The following SLC22A7 variants were observed in gnomAD, a reference collection of about 807,000 sequenced individuals.
SLC22A7 encodes the protein hOAT2.
Under a neutral mutation model 62.2 loss-of-function variants are expected in SLC22A7, and 48 were observed. The observed-to-expected ratio is 0.77, with a 90% CI of 0.61 to 0.98. The LOEUF is 0.98. Among genes scored for constraint, SLC22A7 ranks in the 50% least tolerant of loss-of-function variants. The probability of loss-of-function intolerance (pLI) is 0.00; values close to 1 mark genes in which losing one functional copy is unlikely to be tolerated. For synonymous variants in SLC22A7, 276 were observed against 314.8 expected (o/e 0.88, Z 1.30); for missense variants, 581 against 703.8 (o/e 0.83, Z 1.97).
rs1487207093 is a variant in SLC22A7 at position 43,300,008 on chromosome 6, T to A, written c.769T>A (p.Trp257Arg). 6.2e-7 allele frequency: 1 copy of A among 1,614,048 alleles called. No individual in the cohort carries two copies. Among genetic ancestry groups the A allele is most frequent in the African/African-American group, 1.3e-5 (1 of 74,912 alleles). ...LALVGYLIRDWRWLLLAVTLP... is the reference protein window; with the variant it reads ...LALVGYLIRDRRWLLLAVTLP... ...ACTGGTTGGGTACCTGATACGGGAC[T>A]GGCGATGGCTTCTGCTAGCTGTCAC... The change falls in exon 5 of 11, where the codon TGG (tryptophan) becomes AGG (arginine). Residue 257 changes from tryptophan to arginine, a missense_variant. Coordinates refer to ENST00000372585, the MANE Select transcript of SLC22A7 (RefSeq NM_153320.2).
rs1778801672 is a variant in SLC22A7 at position 43,302,794 on chromosome 6, T to C, written c.1385+31T>C. On this transcript the variant is annotated intron_variant, in intron 9 of 10. Coordinates refer to ENST00000372585, the MANE Select transcript of SLC22A7 (RefSeq NM_153320.2). This position sits in a 1 kb window ranked among gnomAD's most constrained non-coding sequence, Gnocchi z 5.0. ...GAAGCCTGCAACTGATCTGGGGGTA[T>C]GGGGCTTGTTAGTCACGTGTCTTAA... is the stretch of plus-strand genomic sequence containing the variant. The C allele has an allele frequency of 4.2e-6, 6 of 1,436,690 alleles. No homozygotes were observed. In the South Asian group the frequency reaches 7.1e-5, roughly 17 times the overall value. The allele number at this position is 1,436,690 out of a possible 1,614,324, so 89.0% of individuals were successfully genotyped here.
intron 5 of SLC22A7, 112 bp from the exon 6 acceptor site, chr6:43,301,023 C>G: frequency 1.5e-6 from 2 of 1,372,058 alleles, no homozygotes; most frequent in Non-Finnish European, 2.0e-6. Flanking sequence ...ATGTTCCAGG[C>G]TAAGGGGACT....
At chr6:43,303,446 T>G (rs1778826167) in intron 9 of SLC22A7, among the ~76,000 whole-genome samples, 1 of 151,932 alleles carries the variant, frequency 6.6e-6, no homozygotes, top group African/African-American at 2.4e-5. Flanking sequence ...GGCGAGAAAC[T>G]CTGTCTCAAA....
At chr6:43,298,788 G>A in intron 1 of SLC22A7, 37 bp downstream of exon 1, 1 of 1,516,102 alleles carries the variant, frequency 6.6e-7, no homozygotes, top group Non-Finnish European at 8.8e-7. Flanking sequence ...ATGTGAGAGG[G>A]ATGGGCCTGC....
rs1778685142 is a variant in SLC22A7, at chr6:43,300,044, G to T, written c.805G>T (p.Ala269Ser). 1.2e-6 allele frequency: 2 copies of T among 1,614,070 alleles called. No individual in the cohort carries two copies. Among genetic ancestry groups the T allele is most frequent in the African/African-American group, 2.7e-5 (2 of 75,022 alleles). The change falls in exon 5 of 11, where the codon GCC (alanine) becomes TCC (serine). Residue 269 changes from alanine to serine, a missense_variant. Ala to Ser is a moderately conservative substitution (Grantham distance 99). Transcript: ENST00000372585. Reference protein sequence around the residue: ...WLLLAVTLPCAPGILSLWWVP... With the variant: ...WLLLAVTLPCSPGILSLWWVP... ...TCTGCTAGCTGTCACCCTGCCTTGTGCCCCAGGCATCCTCAGCCTCTGGTG... is the reference window on the plus strand; with the variant it reads ...TCTGCTAGCTGTCACCCTGCCTTGTTCCCCAGGCATCCTCAGCCTCTGGTG...
rs768003638 is a variant in SLC22A7 at position 43,302,753 on chromosome 6, A to G, written c.1375A>G (p.Thr459Ala). Residue 459 changes from threonine to alanine, a missense_variant, in exon 9 of 11, where the codon ACG (threonine) becomes GCG (alanine). By Grantham distance (58) the Thr-to-Ala change is moderately conservative (BLOSUM62 0). Transcript: ENST00000372585. The surrounding 1 kb of genome is among the most constrained non-coding windows in gnomAD (Gnocchi z 5.0). ...AYLFTSELYP[T>A]VLRQTGMGLT... ...CCTGTTCACTTCAGAGTTGTACCCT[A>G]CGGTGCTCAGGTGAGGAAGCCTGCA... is the stretch of plus-strand genomic sequence containing the variant. 1 of 1,606,614 alleles carries G rather than the reference A, an allele frequency of 6.2e-7. No individual in the cohort carries two copies. The highest frequency in any genetic ancestry group is 1.3e-5 in the African/African-American group (1 of 74,938).
chr6:43,302,340 G>C lies in SLC22A7; in HGVS notation c.1202G>C (p.Gly401Ala), dbSNP rs1173820377. The change falls in exon 8 of 11, where the codon GGA (glycine) becomes GCA (alanine). Residue 401 changes from glycine to alanine, a missense_variant. Physicochemically the swap from Gly to Ala is moderately conservative, Grantham distance 60. Transcript: ENST00000372585. The surrounding 1 kb of genome is among the most constrained non-coding windows in gnomAD (Gnocchi z 5.0). ...GTCTACTTGTCGGTGCGCTACGCAGGACGCCGCCTCACGCAAGCCGGGACA... is the reference window on the plus strand; with the variant it reads ...GTCTACTTGTCGGTGCGCTACGCAGCACGCCGCCTCACGCAAGCCGGGACA... ...LLVYLSVRYA[G>A]RRLTQAGTLL... The C allele has an allele frequency of 6.2e-7, 1 of 1,613,346 alleles. No individual in the cohort carries two copies. The highest frequency in any genetic ancestry group is 8.5e-7 in the Non-Finnish European group (1 of 1,179,992).
rs1376889328 is a variant in SLC22A7 at position 43,300,060 on chromosome 6, G to C, written c.821G>C (p.Ser274Thr). The C allele has an allele frequency of 6.2e-7, 1 of 1,613,974 alleles. No homozygotes were observed. The highest frequency in any genetic ancestry group is 1.1e-5 in the South Asian group (1 of 91,076). The change falls in exon 5 of 11, where the codon AGC becomes ACC. Residue 274 changes from serine (S) to threonine (T), a missense_variant. Transcript: ENST00000372585. ...VTLPCAPGILSLWWVPESARW... is the reference protein window; with the variant it reads ...VTLPCAPGILTLWWVPESARW... ...CTGCCTTGTGCCCCAGGCATCCTCA[G>C]CCTCTGGTGAGGACTGCAGGCAGCT...
chr6:43,298,734 T>C lies in SLC22A7; in HGVS notation c.376T>C (p.Ser126Pro), dbSNP rs764398999. 1 of 1,520,276 alleles carries C rather than the reference T, an allele frequency of 6.6e-7. No individual in the cohort carries two copies. Among genetic ancestry groups the C allele is most frequent in the South Asian group, 1.3e-5 (1 of 75,270 alleles). The allele number at this position is 1,520,276 out of a possible 1,614,324, so 94.2% of individuals were successfully genotyped here. The change falls in exon 1 of 11, where the codon TCT (serine) becomes CCT (proline). Residue 126 changes from serine to proline, a missense_variant. Transcript: ENST00000372585. ...GGAGTACGACCACTCAGAATTCTCC[T>C]CTACCATTGCAACTGAGGTACTTAA... Reference protein sequence around the residue: ...GWEYDHSEFSSTIATESQWDL... With the variant: ...GWEYDHSEFSPTIATESQWDL...
chr6:43,302,152 G>A lies in SLC22A7; in HGVS notation c.1062-48G>A. The A allele has an allele frequency of 6.7e-7, 1 of 1,484,134 alleles. No homozygotes were observed. The allele number at this position is 1,484,134 out of a possible 1,614,324, so 91.9% of individuals were successfully genotyped here. A position where few individuals can be genotyped will look rare whatever the true frequency, so the allele number is the denominator to read the frequency against. On this transcript the variant is annotated intron_variant, in intron 7 of 10. Transcript: ENST00000372585. The surrounding 1 kb of genome is among the most constrained non-coding windows in gnomAD (Gnocchi z 5.0). ...AGTCTTCCTGAGAAGAGAGGCCAAAGAGGGATGGGAAGGAGGGTCCGCCAA... is the reference window on the plus strand; with the variant it reads ...AGTCTTCCTGAGAAGAGAGGCCAAAAAGGGATGGGAAGGAGGGTCCGCCAA...
chr6:43,304,613 TG>T, intron 10 of SLC22A7, 57 bp from the exon 11 acceptor site: 2 of 1,510,356 alleles, frequency 1.3e-6, no homozygotes, highest in Non-Finnish European at 1.8e-6. Context: ...TGGGGCAGGC[TG>T]GGGTGGTAGG....
chr6:43,301,619 C>T lies in SLC22A7; in HGVS notation c.988C>T (p.Arg330Ter), dbSNP rs372174256. 30 of 1,614,010 alleles carry T rather than the reference C, an allele frequency of 1.9e-5. No individual in the cohort carries two copies. Among genetic ancestry groups the T allele is most frequent in the East Asian group, 4.5e-5 (2 of 44,892 alleles). The change falls in exon 7 of 11, where the codon CGA becomes TGA. Residue 330 changes from arginine to a stop codon, truncating the protein, a stop_gained. Transcript: ENST00000372585. LOFTEE classifies it high-confidence loss of function. ...SKVAAGERVV[R>*]RPSYLDLFRT... ...AGTGGCCGCCGGGGAACGGGTGGTC[C>T]GAAGACCTTCATACCTAGACCTGTT...
At chr6:43,301,444 C>T in intron 6 of SLC22A7, 139 bp from the exon 7 acceptor site, 1 of 1,014,940 alleles carries the variant, frequency 9.9e-7, no homozygotes, top group South Asian at 1.5e-5. Flanking sequence ...TCGAGACCCA[C>T]TCGTCTCAGC....
chr6:43,299,940 TC>T lies in SLC22A7; in HGVS notation c.703del (p.Leu235Ter). 1 of 1,613,774 alleles carries T rather than the reference TC, an allele frequency of 6.2e-7. No homozygotes were observed. Among genetic ancestry groups the T allele is most frequent in the Non-Finnish European group, 8.5e-7 (1 of 1,179,958 alleles). ...LDVEHRTVAG[V>X]LSSTFWTGGV... Reference sequence around the variant, plus strand: ...GTGGAGCACCGCACCGTGGCTGGAGTCCTGAGCAGCACCTTCTGGACAGGGG... The same window carrying T: ...GTGGAGCACCGCACCGTGGCTGGAGTCTGAGCAGCACCTTCTGGACAGGGG... On this transcript the variant is annotated frameshift_variant, in exon 5 of 11. Transcript: ENST00000372585. LOFTEE classifies it high-confidence loss of function. The surrounding 1 kb of genome is among the most constrained non-coding windows in gnomAD (Gnocchi z 4.4).
rs572582792 is a variant in SLC22A7, at chr6:43,301,226, C to A, written c.919C>A (p.Arg307=). Residue 307 remains arginine, a synonymous_variant, in exon 6 of 11, where the codon CGG becomes AGG. Coordinates refer to ENST00000372585, the MANE Select transcript of SLC22A7 (RefSeq NM_153320.2). ...YLLHCARLNG[R]PVCEDSFSQE... is the part of the protein sequence containing the mutation. The stretch of plus-strand genomic sequence containing the variant: ...GCTCCACTGTGCCAGGCTCAATGGG[C>A]GGCCAGTGTGTGAGGACAGCTTCAG... The A allele has an allele frequency of 2.5e-6, 4 of 1,614,120 alleles. No individual in the cohort carries two copies. The Admixed American group carries it at 6.7e-5, about 27-fold the overall frequency.
At chr6:43,303,212 G>T in intron 9 of SLC22A7, 1 of 974,814 alleles carries the variant, frequency 1.0e-6, no homozygotes, top group Non-Finnish European at 1.2e-6. Flanking sequence ...TGTAATCCCA[G>T]CATTTTGGAA....
intron 1 of SLC22A7, 132 bp from the exon 2 acceptor site, chr6:43,298,960 T>C (rs1778635263): frequency 3.5e-6 from 4 of 1,145,534 alleles, no homozygotes; most frequent in Non-Finnish European, 3.8e-6. Flanking sequence ...TCATCATTAA[T>C]TGGGAGGTGA....
chr6:43,298,228 T>C, upstream of SLC22A7: 1 of 813,588 alleles, frequency 1.2e-6, no homozygotes. Flanking sequence ...CCCTGAGGGC[T>C]GGATTCTGGC....
Position 43,299,431 on chromosome 6 carries a change from G to A in SLC22A7, c.441G>A (p.Ala147=), listed in dbSNP as rs750010211. 4.8e-5 allele frequency: 78 copies of A among 1,614,122 alleles called. No individual in the cohort carries two copies. Among genetic ancestry groups the A allele is most frequent in the South Asian group, 1.4e-4 (13 of 91,074 alleles). The change falls in exon 3 of 11, where the codon GCG becomes GCA. Residue 147 remains alanine, a synonymous_variant. Transcript: ENST00000372585. This position sits in a 1 kb window ranked among gnomAD's most constrained non-coding sequence, Gnocchi z 4.4. The part of the protein sequence containing the change: ...VCEQKGLNRA[A]STFFFAGVLV... ...AGCAGAAAGGTCTGAACAGAGCTGC[G>A]TCCACTTTCTTCTTCGCCGGTGTGC...
Sources: allele counts gnomAD v4.1 joint callset (sites outside exome capture counted in the v4.1 genomes callset), GRCh38; gene constraint gnomAD v4.1.1; non-coding constraint Gnocchi (gnomAD v3.1); transcripts MANE v1.5; gene names NCBI Gene and HGNC (gene_info 2026-07-23, HGNC 2026-07-21).